KMO: variants seen among roughly 807,000 people sequenced by gnomAD.
The protein encoded by KMO is kynurenine 3-monooxygenase.
KMO carries 24 observed loss-of-function variants against 57.8 expected under a neutral mutation model. That is an observed-to-expected ratio of 0.42 (90% CI 0.30 to 0.58). The LOEUF (loss-of-function observed/expected upper bound fraction) is 0.58, where lower values mean the gene tolerates loss of function less well. Among genes scored for constraint, KMO ranks in the 20% least tolerant of loss-of-function variants. The pLI is 0.22. For missense variants in KMO, 483 were observed against 588.2 expected (o/e 0.82, Z 1.85); for synonymous variants, 210 against 193.6 (o/e 1.08, Z -0.70).
chr1:241,585,631 C>T (rs984687765), intron 10 of KMO, among the ~76,000 whole-genome samples: 3 of 151,828 alleles, frequency 2.0e-5, no homozygotes, highest in Non-Finnish European at 4.4e-5. Flanking sequence ...GTGGTGCACG[C>T]CTGTAATCCT....
chr1:241,539,840 T>A (rs934592846), intron 1 of KMO, among the ~76,000 whole-genome samples: 1 of 152,154 alleles, frequency 6.6e-6, no homozygotes, highest in African/African-American at 2.4e-5. Flanking sequence ...ATCCCTTTTA[T>A]TCAAAATTGC....
At chr1:241,549,802 A>T in intron 3 of KMO, 28 bp downstream of exon 3, 1 of 1,333,236 alleles carries the variant, frequency 7.5e-7, no homozygotes, top group East Asian at 2.3e-5. Context: ...CTTACAGAAG[A>T]TAATACCTGG....
chr1:241,537,014 C>T (rs1400107814), intron 1 of KMO, among the ~76,000 whole-genome samples: 1 of 152,066 alleles, frequency 6.6e-6, no homozygotes, highest in Non-Finnish European at 1.5e-5. Flanking sequence ...TTCTGTTCTT[C>T]TTAGGATTTT....
intron 10 of KMO, among the ~76,000 whole-genome samples, chr1:241,581,550 G>A (rs1295022247): frequency 6.6e-6 from 1 of 151,228 alleles, no homozygotes; most frequent in Non-Finnish European, 1.5e-5. Context: ...TTACAACCAA[G>A]TATTTTAAAC....
chr1:241,544,011 GC>G (rs1269722673), intron 1 of KMO, among the ~76,000 whole-genome samples: 1 of 152,152 alleles, frequency 6.6e-6, no homozygotes, highest in Admixed American at 6.6e-5. Context: ...CCCATCATTG[GC>G]TTAGAGCTGA....
chr1:241,538,082 T>G (rs975037421), intron 1 of KMO, among the ~76,000 whole-genome samples: 1 of 152,086 alleles, frequency 6.6e-6, no homozygotes, highest in Non-Finnish European at 1.5e-5. Flanking sequence ...GTGGGGAAGG[T>G]GATTAGCAGT....
chr1:241,542,247 G>A (rs1223884746), intron 1 of KMO, among the ~76,000 whole-genome samples: 2 of 152,162 alleles, frequency 1.3e-5, no homozygotes, highest in African/African-American at 4.8e-5. Flanking sequence ...TGACAGAAAA[G>A]CTCAGCAACG....
intron 10 of KMO, among the ~76,000 whole-genome samples, chr1:241,577,528 A>T (rs947324856): frequency 1.6e-4 from 25 of 151,730 alleles, no homozygotes; most frequent in Admixed American, 1.5e-3. Flanking sequence ...GGTTATGGAG[A>T]GTCTTTGTTT....
intron 12 of KMO, 113 bp downstream of exon 12, chr1:241,588,943 C>G: frequency 1.4e-6 from 1 of 702,692 alleles, no homozygotes; most frequent in Non-Finnish European, 2.4e-6. Flanking sequence ...TATAAGAATA[C>G]CTACAGATAA....
intron 6 of KMO, among the ~76,000 whole-genome samples, chr1:241,560,965 T>C (rs1661813906): frequency 6.6e-6 from 1 of 152,208 alleles, no homozygotes; most frequent in Non-Finnish European, 1.5e-5. Context: ...TCACACTTGC[T>C]CACCTTCCTA....
At chr1:241,539,747 C>T (rs1356268373) in intron 1 of KMO, among the ~76,000 whole-genome samples, 3 of 152,164 alleles carry the variant, frequency 2.0e-5, no homozygotes, top group Non-Finnish European at 4.4e-5. Flanking sequence ...ATCCTTACTC[C>T]ATTCCCCCAC....
chr1:241,562,916 AAAGAAGGAAGGAAG>A, intron 7 of KMO, among the ~76,000 whole-genome samples: 2 of 27,684 alleles, frequency 7.2e-5, no homozygotes, highest in African/African-American at 1.3e-4. Flanking sequence ...GGAAGGAAGG[AAAGAAGGAAGGAAG>A]GAAGGAAGGA....
rs1662027983 is a variant in KMO, at chr1:241,565,137, G to A, written c.687+79G>A. 2.0e-5 allele frequency: 17 copies of A among 835,834 alleles called. No homozygotes were observed. The East Asian group carries it at 4.2e-4, about 21-fold the overall frequency. 51.8% of individuals were successfully genotyped at this position (835,834 alleles called of 1,614,324 possible). On this transcript the variant is annotated intron_variant, in intron 8 of 14. Transcript: ENST00000366559. ...TATTACTTACATTTGTACTTAGAAT[G>A]TATCTACCTAATTGATCTCTTCATT...
intron 1 of KMO, among the ~76,000 whole-genome samples, chr1:241,534,782 T>C (rs1660696910): frequency 6.6e-6 from 1 of 152,216 alleles, no homozygotes; most frequent in South Asian, 2.1e-4. Context: ...TTCTAAAACA[T>C]GAGTCTGATC....
chr1:241,586,664 T>C lies in KMO; in HGVS notation c.958-15T>C, dbSNP rs1201447024. On this transcript the variant is annotated splice_polypyrimidine_tract_variant and intron_variant, in intron 10 of 14. Coordinates refer to ENST00000366559, the MANE Select transcript of KMO (RefSeq NM_003679.5). ...ATTTCTAGTTTCTTATTTCTCTTTT[T>C]TTTTCTTGTTTCAGGGCTTTGAAGA... 3.9e-6 allele frequency: 6 copies of C among 1,550,888 alleles called. No homozygotes were observed. Among genetic ancestry groups the C allele is most frequent in the Non-Finnish European group, 5.3e-6 (6 of 1,138,000 alleles).
intron 8 of KMO, 33 bp from the exon 9 acceptor site, chr1:241,566,458 T>A: frequency 6.3e-7 from 1 of 1,594,026 alleles, no homozygotes. Context: ...TTGGCCCCCA[T>A]CCCCTTTCAC....
rs138524507 is a variant in KMO, at chr1:241,571,959, C to T, written c.957+3312C>T. Among the ~76,000 whole-genome samples, 130 of 150,948 alleles carry T rather than the reference C, an allele frequency of 8.6e-4. 3 individuals are homozygous for T. In the East Asian group the frequency reaches 0.022, roughly 26 times the overall value. On this transcript the variant is annotated intron_variant, in intron 10 of 14. Coordinates refer to ENST00000366559, the MANE Select transcript of KMO (RefSeq NM_003679.5). The stretch of plus-strand genomic sequence containing the variant: ...TCTGCCGACTGCAACCTCCACCTCC[C>T]GGGTTTAAGCGATTTTCCTGCCACA...
intron 3 of KMO, among the ~76,000 whole-genome samples, chr1:241,550,288 A>C (rs1027229084): frequency 6.6e-6 from 1 of 152,186 alleles, no homozygotes; most frequent in Non-Finnish European, 1.5e-5. Context: ...GGTTTATGTG[A>C]TATCCAGCAT....
chr1:241,572,047 A>G (rs1662308647), intron 10 of KMO, among the ~76,000 whole-genome samples: 1 of 151,498 alleles, frequency 6.6e-6, no homozygotes, highest in African/African-American at 2.4e-5. Flanking sequence ...TTGGATTTTT[A>G]GTAGAGATGT....
Sources: gnomAD v4.1 joint callset for allele counts (sites outside exome capture counted in the v4.1 genomes callset) on GRCh38, gnomAD v4.1.1 for gene constraint, MANE v1.5 for transcripts, NCBI Gene and HGNC (gene_info 2026-07-23, HGNC 2026-07-21) for gene names.